PHF14: variants seen among roughly 807,000 people sequenced by gnomAD.
PHF14 encodes the protein PHD finger protein 14.
Under a neutral mutation model 117.9 loss-of-function variants are expected in PHF14, and 55 were observed. The observed-to-expected ratio is 0.47, with a 90% CI of 0.38 to 0.58. The LOEUF is 0.58. Among genes scored for constraint, PHF14 ranks in the 20% least tolerant of loss-of-function variants. The probability of loss-of-function intolerance (pLI) is 0.00; values close to 1 mark genes in which losing one functional copy is unlikely to be tolerated. For synonymous variants in PHF14, 409 were observed against 368.6 expected, an observed-to-expected ratio of 1.11 and a Z score of -1.26; for missense variants, 978 against 1,122.2, an observed-to-expected ratio of 0.87 and a Z score of 1.84.
chr7:11,145,251 A>C (rs1788512480), intron 17 of PHF14, among the ~76,000 whole-genome samples: 1 of 149,650 alleles, frequency 6.7e-6, no homozygotes, highest in Admixed American at 6.7e-5. Flanking sequence ...CCTTCATTTC[A>C]GTACTATTAT....
At chr7:11,060,408 A>G (rs1410324082) in intron 14 of PHF14, among the ~76,000 whole-genome samples, 1 of 152,244 alleles carries the variant, frequency 6.6e-6, no homozygotes, top group Admixed American at 6.5e-5. Context: ...AGTGGCACAG[A>G]AGGAAAAGAG....
At position 11,111,480 on chromosome 7, in the gene PHF14, G is replaced by A. The variant is rs377159216; in HGVS notation, c.2772+13G>A. Reference sequence around the variant, plus strand: ...TTCATCTTCCAAGGTAAGGGGAGAAGTCTATAAGAAAAGGTATTGGTGTCC... The same window carrying A: ...TTCATCTTCCAAGGTAAGGGGAGAAATCTATAAGAAAAGGTATTGGTGTCC... On this transcript the variant is annotated intron_variant, in intron 17 of 17. Coordinates refer to ENST00000634607, the MANE Select transcript of PHF14 (RefSeq NM_001007157.2). The A allele has an allele frequency of 1.5e-6, 2 of 1,336,732 alleles. No individual in the cohort carries two copies. The highest frequency in any genetic ancestry group is 2.1e-6 in the Non-Finnish European group (2 of 937,348). 82.8% of individuals were successfully genotyped at this position (1,336,732 alleles called of 1,614,324 possible).
chr7:11,164,930 T>C (rs996891420), intron 17 of PHF14, among the ~76,000 whole-genome samples: 4 of 152,204 alleles, frequency 2.6e-5, no homozygotes, highest in African/African-American at 9.6e-5. Context: ...AACCTTGACA[T>C]TCTTTTTTTT....
chr7:11,164,624 C>T (rs1789146999), intron 17 of PHF14, among the ~76,000 whole-genome samples: 1 of 152,140 alleles, frequency 6.6e-6, no homozygotes, highest in Admixed American at 6.5e-5. Flanking sequence ...TTTCTTTAAT[C>T]ATTTTACTTT....
At chr7:11,135,841 G>GA (rs1013421035) in intron 17 of PHF14, among the ~76,000 whole-genome samples, 3 of 152,070 alleles carry the variant, frequency 2.0e-5, no homozygotes, top group African/African-American at 7.2e-5. Context: ...TTTTTAATTT[G>GA]AAAACCAGTT....
At position 11,083,464 on chromosome 7, in the gene PHF14, ATTT is replaced by A. The variant is rs776573456; in HGVS notation, c.2654+21398_2654+21400del. Among the ~76,000 whole-genome samples the A allele has an allele frequency of 3.1e-4, 35 of 112,306 alleles. No individual in the cohort carries two copies. The East Asian group carries it at 8.0e-3, about 26-fold the overall frequency. The allele number at this position is 112,306 out of a possible 152,430, so 73.7% of individuals were successfully genotyped here. On this transcript the variant is annotated intron_variant, in intron 16 of 17. Coordinates refer to ENST00000634607, the MANE Select transcript of PHF14 (RefSeq NM_001007157.2). ...CACATAGAAATATTCTGCTTTCCCT[ATTT>A]TTTTTTTTTTTTTTTTTTGATACAG...
Position 10,974,203 on chromosome 7 carries a change from C to G in PHF14, c.-121C>G. On this transcript the variant is annotated 5_prime_UTR_variant, in exon 1 of 18. Coordinates refer to ENST00000634607, the MANE Select transcript of PHF14 (RefSeq NM_001007157.2). ...GCGCCCCTGTCCGGCTGGCTGCGCG[C>G]CGGTTTTAAATAGCATCTTTCGGAC... 1.2e-6 allele frequency: 1 copy of G among 865,310 alleles called. No homozygotes were observed. Among genetic ancestry groups the G allele is most frequent in the Non-Finnish European group, 1.9e-6 (1 of 535,850 alleles). 53.6% of individuals were successfully genotyped at this position (865,310 alleles called of 1,614,324 possible). A position where few individuals can be genotyped will look rare whatever the true frequency, so the allele number is the denominator to read the frequency against.
chr7:11,168,440 T>G lies in PHF14; in HGVS notation c.2773-976T>G, dbSNP rs371075014. On this transcript the variant is annotated intron_variant, in intron 17 of 17. Coordinates refer to ENST00000634607, the MANE Select transcript of PHF14 (RefSeq NM_001007157.2). ...TATGCATACCTTGGTTTGCTTTTACTTTATAAAGTCAATTCACAAAGTAGA... is the reference window on the plus strand; with the variant it reads ...TATGCATACCTTGGTTTGCTTTTACGTTATAAAGTCAATTCACAAAGTAGA... 1.7e-4 allele frequency among the ~76,000 whole-genome samples: 26 copies of G among 152,330 alleles called. No homozygotes were observed. The East Asian group carries it at 4.0e-3, about 24-fold the overall frequency.
intron 7 of PHF14, among the ~76,000 whole-genome samples, chr7:11,031,837 T>C (rs1489047068): frequency 1.3e-5 from 2 of 152,182 alleles, no homozygotes; most frequent in Non-Finnish European, 2.9e-5. Flanking sequence ...TTACTATGTT[T>C]TACATTATAT....
chr7:11,102,173 A>C (rs1787116292), intron 16 of PHF14, among the ~76,000 whole-genome samples: 2 of 151,904 alleles, frequency 1.3e-5, no homozygotes, highest in Admixed American at 1.3e-4. Context: ...CCTTTTATAA[A>C]TACAAGCCCT....
At chr7:11,032,995 A>G (rs1439038695) in intron 7 of PHF14, among the ~76,000 whole-genome samples, 1 of 152,130 alleles carries the variant, frequency 6.6e-6, no homozygotes, top group Non-Finnish European at 1.5e-5. Context: ...AATTGATATT[A>G]AAATGGTAGA....
intron 16 of PHF14, chr7:11,105,632 G>T (rs1787233038): frequency 1.0e-6 from 1 of 984,442 alleles, no homozygotes; most frequent in Non-Finnish European, 1.2e-6. Flanking sequence ...GTCTGAATCA[G>T]CACTTTGTAA....
At chr7:10,984,711 G>A (rs1386674667) in intron 3 of PHF14, among the ~76,000 whole-genome samples, 1 of 151,902 alleles carries the variant, frequency 6.6e-6, no homozygotes, top group Non-Finnish European at 1.5e-5. Flanking sequence ...TTAGGAATTT[G>A]CCACGTAAAG....
intron 16 of PHF14, among the ~76,000 whole-genome samples, chr7:11,071,482 T>C (rs941921526): frequency 7.2e-5 from 11 of 152,348 alleles, no homozygotes; most frequent in African/African-American, 2.2e-4. Flanking sequence ...CTTCCTTTGA[T>C]AAATAGCAGA....
chr7:10,988,694 C>T (rs1782333566), intron 3 of PHF14, among the ~76,000 whole-genome samples: 1 of 151,990 alleles, frequency 6.6e-6, no homozygotes, highest in Admixed American at 6.6e-5. Context: ...ATTATCAGTT[C>T]ATGTTCCTCT....
intron 16 of PHF14, chr7:11,109,921 C>G (rs1265980500): frequency 6.6e-6 from 1 of 151,800 alleles, no homozygotes; most frequent in African/African-American, 2.4e-5. Flanking sequence ...TTATTTTATT[C>G]ATAAGGAGAA....
chr7:11,053,241 A>G (rs1470132664), intron 14 of PHF14, among the ~76,000 whole-genome samples: 5 of 152,112 alleles, frequency 3.3e-5, no homozygotes, highest in African/African-American at 7.2e-5. Flanking sequence ...GATCTTATTC[A>G]GGAGATTCAG....
chr7:11,167,837 G>A (rs1270127061), intron 17 of PHF14, among the ~76,000 whole-genome samples: 1 of 152,114 alleles, frequency 6.6e-6, no homozygotes, highest in African/African-American at 2.4e-5. Context: ...AGACCATCCT[G>A]GCTAACACGG....
intron 17 of PHF14, among the ~76,000 whole-genome samples, chr7:11,165,012 C>A (rs1267473152): frequency 6.6e-6 from 1 of 152,178 alleles, no homozygotes; most frequent in Non-Finnish European, 1.5e-5. Flanking sequence ...GCAGCCTCCA[C>A]CTCCTGGGTT....
Sources: allele counts gnomAD v4.1 joint callset (sites outside exome capture counted in the v4.1 genomes callset), GRCh38; gene constraint gnomAD v4.1.1; transcripts MANE v1.5; gene names NCBI Gene and HGNC (gene_info 2026-07-23, HGNC 2026-07-21).